Variants in TBC1D22A observed in about 807,000 individuals in gnomAD.
TBC1D22A encodes the protein TBC1 domain family member 22A, also known as putative GTPase activator.
Under a neutral mutation model 60.2 loss-of-function variants are expected in TBC1D22A, and 38 were observed. The ratio of observed to expected loss-of-function variants is 0.63; its 90% CI spans 0.49 to 0.83. The LOEUF (loss-of-function observed/expected upper bound fraction) is 0.83, where lower values mean the gene tolerates loss of function less well. TBC1D22A is among the 40% of genes least tolerant of loss of function. The pLI is 0.00. For synonymous variants in TBC1D22A, 302 were observed against 281.7 expected (o/e 1.07, Z -0.72); for missense variants, 628 against 701.0 (o/e 0.90, Z 1.18).
intron 12 of TBC1D22A, among the ~76,000 whole-genome samples, chr22:47,128,656 TC>T (rs1286160464): frequency 6.6e-6 from 1 of 152,116 alleles, no homozygotes; most frequent in African/African-American, 2.4e-5. Flanking sequence ...TATTAAATCA[TC>T]CCTCTCTGTG....
chr22:47,124,639 C>T (rs184524344), intron 12 of TBC1D22A, among the ~76,000 whole-genome samples: 76 of 152,246 alleles, frequency 5.0e-4, no homozygotes, highest in African/African-American at 1.6e-3. Context: ...CAGGTGGCAC[C>T]GAGGGGCATG....
In TBC1D22A at chr22:47,140,738, C is replaced by T. The variant is rs551962317; in HGVS notation, c.1425+29135C>T. ...GAAAGCCTGGCCCTGGCGGCTTGGG[C>T]CTGGGGGTTGTCCCTGGGGCTCAGT... On this transcript the variant is annotated intron_variant, in intron 12 of 12. Coordinates refer to ENST00000337137, the MANE Select transcript of TBC1D22A (RefSeq NM_014346.5). Among the ~76,000 whole-genome samples the T allele has an allele frequency of 2.7e-3, 410 of 152,302 alleles. 3 individuals carry two copies. The highest frequency in any genetic ancestry group is 9.2e-3 in the African/African-American group (384 of 41,572).
At chr22:46,913,259 T>C (rs1175776235) in intron 8 of TBC1D22A, 1 of 1,164,806 alleles carries the variant, frequency 8.6e-7, no homozygotes, top group Non-Finnish European at 1.2e-6. Flanking sequence ...AGCATTTTAA[T>C]TTAAACCTGG....
At chr22:47,158,279 C>A (rs1036157179) in intron 12 of TBC1D22A, among the ~76,000 whole-genome samples, 1 of 152,194 alleles carries the variant, frequency 6.6e-6, no homozygotes, top group Non-Finnish European at 1.5e-5. Flanking sequence ...CGCTTAAGCA[C>A]ATTGAGAGCT....
At chr22:47,171,025 C>T (rs960385194) in intron 12 of TBC1D22A, among the ~76,000 whole-genome samples, 1 of 152,194 alleles carries the variant, frequency 6.6e-6, no homozygotes, top group East Asian at 1.9e-4. Flanking sequence ...CCGGCACAGC[C>T]AGGATGTGAG....
chr22:46,996,444 T>C (rs2075124924), intron 9 of TBC1D22A, among the ~76,000 whole-genome samples: 1 of 152,266 alleles, frequency 6.6e-6, no homozygotes, highest in Non-Finnish European at 1.5e-5. Context: ...GTTGTTTCGC[T>C]GCCTCCCGAT....
chr22:46,814,373 A>AT (rs1249769554), intron 4 of TBC1D22A, among the ~76,000 whole-genome samples: 1 of 152,188 alleles, frequency 6.6e-6, no homozygotes, highest in Non-Finnish European at 1.5e-5. Flanking sequence ...CATGCCTGAC[A>AT]TTCCAAGATT....
At chr22:47,054,329 G>A (rs529915531) in intron 11 of TBC1D22A, among the ~76,000 whole-genome samples, 5 of 152,338 alleles carry the variant, frequency 3.3e-5, no homozygotes, top group South Asian at 4.1e-4. Context: ...TGGTGGAGAC[G>A]ATGAGCAGCC....
chr22:46,998,834 C>G (rs1388921353), intron 10 of TBC1D22A, among the ~76,000 whole-genome samples: 1 of 152,264 alleles, frequency 6.6e-6, no homozygotes, highest in Non-Finnish European at 1.5e-5. Flanking sequence ...AACCCATCAT[C>G]TGTTAAAAAT....
At chr22:46,789,818 A>G (rs1312912009) in intron 1 of TBC1D22A, among the ~76,000 whole-genome samples, 1 of 152,228 alleles carries the variant, frequency 6.6e-6, no homozygotes, top group Non-Finnish European at 1.5e-5. Flanking sequence ...CTATATAGCA[A>G]AATAAAATAA....
At chr22:46,843,617 C>T (rs927207305) in intron 4 of TBC1D22A, among the ~76,000 whole-genome samples, 2 of 151,946 alleles carry the variant, frequency 1.3e-5, no homozygotes, top group African/African-American at 4.8e-5. Flanking sequence ...TAGATGACGT[C>T]TGTAGACTTC....
intron 1 of TBC1D22A, among the ~76,000 whole-genome samples, chr22:46,778,824 A>C (rs1011244649): frequency 6.6e-6 from 1 of 152,208 alleles, no homozygotes; most frequent in African/African-American, 2.4e-5. Flanking sequence ...CAGGTAGATC[A>C]CCTGAGGTCA....
At position 47,125,310 on chromosome 22, in the gene TBC1D22A, G is replaced by A. The variant is rs145566490; in HGVS notation, c.1425+13707G>A. Among the ~76,000 whole-genome samples the A allele has an allele frequency of 5.7e-3, 873 of 152,338 alleles. 9 individuals carry two copies. Among genetic ancestry groups the A allele is most frequent in the Middle Eastern group, 0.024 (7 of 294 alleles). Reference sequence around the variant, plus strand: ...AACACATTCTTTTGTTCCCCGGGGCGGGGCTTTCTCAGAAGCCGGCACAGC... The same window carrying A: ...AACACATTCTTTTGTTCCCCGGGGCAGGGCTTTCTCAGAAGCCGGCACAGC... On this transcript the variant is annotated intron_variant, in intron 12 of 12. Transcript: ENST00000337137.
At chr22:47,076,357 G>A (rs1372803931) in intron 11 of TBC1D22A, among the ~76,000 whole-genome samples, 7 of 83,582 alleles carry the variant, frequency 8.4e-5, no homozygotes, top group African/African-American at 1.4e-4. Flanking sequence ...ATATATATGT[G>A]TGTGTATATA....
chr22:46,998,055 A>G (rs1352592162), intron 10 of TBC1D22A, among the ~76,000 whole-genome samples: 3 of 151,916 alleles, frequency 2.0e-5, no homozygotes, highest in African/African-American at 7.3e-5. Context: ...TCTGTGCATC[A>G]TTTTTCTATC....
At chr22:46,877,549 C>G (rs2147483468) in intron 4 of TBC1D22A, among the ~76,000 whole-genome samples, 1 of 152,300 alleles carries the variant, frequency 6.6e-6, no homozygotes, top group East Asian at 1.9e-4. Context: ...TTGATATTTT[C>G]TGAGATTGCT....
At chr22:46,928,628 T>C (rs2071180063) in intron 8 of TBC1D22A, among the ~76,000 whole-genome samples, 1 of 152,056 alleles carries the variant, frequency 6.6e-6, no homozygotes, top group Admixed American at 6.6e-5. Context: ...TGAAAAAACA[T>C]TCCCCAGAAT....
Position 46,903,492 on chromosome 22 carries a change from C to T in TBC1D22A, c.901-8582C>T, listed in dbSNP as rs376194899. 1.8e-4 allele frequency among the ~76,000 whole-genome samples: 28 copies of T among 152,304 alleles called. 1 individual carries two copies. In the East Asian group the frequency reaches 2.1e-3, roughly 12 times the overall value. On this transcript the variant is annotated intron_variant, in intron 7 of 12. Transcript: ENST00000337137. The stretch of plus-strand genomic sequence containing the variant: ...GGGGACCTGTCGGCTCTTCCTGTTT[C>T]GCTTCAGTGGACTTCCACCCTAGCT...
At chr22:46,974,186 G>A (rs960940207) in intron 8 of TBC1D22A, 104 bp from the exon 9 acceptor site, 2 of 864,400 alleles carry the variant, frequency 2.3e-6, no homozygotes, top group African/African-American at 1.7e-5. Flanking sequence ...GTGGGTGGAG[G>A]GAGCTGGATG....
Sources: allele counts gnomAD v4.1 joint callset (sites outside exome capture counted in the v4.1 genomes callset), GRCh38; gene constraint gnomAD v4.1.1; transcripts MANE v1.5; gene names NCBI Gene and HGNC (gene_info 2026-07-23, HGNC 2026-07-21).